The following MCU variants were observed in gnomAD, a reference collection of about 807,000 sequenced individuals.
MCU encodes calcium uniporter protein, mitochondrial.
A neutral mutation model predicts 45.2 loss-of-function variants in MCU; 12 were observed. The ratio of observed to expected loss-of-function variants is 0.27; its 90% CI spans 0.17 to 0.43. The LOEUF (loss-of-function observed/expected upper bound fraction) is 0.43. MCU is among the 20% of genes least tolerant of loss of function. The probability of loss-of-function intolerance (pLI) is 1.00; values close to 1 mark genes in which losing one functional copy is unlikely to be tolerated. For missense variants in MCU, 324 were observed against 436.7 expected, an observed-to-expected ratio of 0.74 and a Z score of 2.30; for synonymous variants, 160 against 165.1, an observed-to-expected ratio of 0.97 and a Z score of 0.24.
chr10:72,843,267 A>C (rs144022887), intron 2 of MCU, among the ~76,000 whole-genome samples: 103 of 152,242 alleles, frequency 6.8e-4, no homozygotes, highest in South Asian at 3.7e-3. Flanking sequence ...CACACAGAGG[A>C]GTTTCACCAC....
chr10:72,868,665 AG>A (rs770681583), intron 4 of MCU, 37 bp from the exon 5 acceptor site: 1 of 1,596,140 alleles, frequency 6.3e-7, no homozygotes, highest in Admixed American at 1.7e-5. Context: ...CAATCATTTA[AG>A]GCATACATTT....
At chr10:72,758,808 T>A (rs1377394219) in intron 1 of MCU, among the ~76,000 whole-genome samples, 2 of 152,216 alleles carry the variant, frequency 1.3e-5, no homozygotes, top group African/African-American at 2.4e-5. Flanking sequence ...TTGAGGCTTT[T>A]AAAAAATCTC....
At chr10:72,828,449 T>A (rs1357490254) in intron 1 of MCU, among the ~76,000 whole-genome samples, 1 of 152,142 alleles carries the variant, frequency 6.6e-6, no homozygotes, top group Non-Finnish European at 1.5e-5. Context: ...GAAATAACTT[T>A]CCCTCTCTTT....
chr10:72,824,660 A>T (rs1844769624), intron 1 of MCU, among the ~76,000 whole-genome samples: 1 of 152,216 alleles, frequency 6.6e-6, no homozygotes, highest in African/African-American at 2.4e-5. Flanking sequence ...CTACTTTGCT[A>T]AAGCTTTCTC....
chr10:72,764,736 T>C (rs534341971), intron 1 of MCU, among the ~76,000 whole-genome samples: 1 of 152,258 alleles, frequency 6.6e-6, no homozygotes, highest in Non-Finnish European at 1.5e-5. Flanking sequence ...CTACTCAGAG[T>C]AACTAAGAAA....
At chr10:72,720,349 GA>G (rs1422039677) in intron 1 of MCU, among the ~76,000 whole-genome samples, 1 of 152,178 alleles carries the variant, frequency 6.6e-6, no homozygotes, top group Admixed American at 6.5e-5. Context: ...GTAAGTGATG[GA>G]ATTAGGAATT....
chr10:72,841,867 G>T (rs189188756), intron 2 of MCU, among the ~76,000 whole-genome samples: 2 of 152,294 alleles, frequency 1.3e-5, no homozygotes, highest in African/African-American at 2.4e-5. Flanking sequence ...TCCTTTGCTT[G>T]ATTAAATTTG....
At chr10:72,750,975 GTT>G (rs1220493224) in intron 1 of MCU, among the ~76,000 whole-genome samples, 1 of 152,142 alleles carries the variant, frequency 6.6e-6, no homozygotes, top group East Asian at 1.9e-4. Flanking sequence ...TGTTTCAATA[GTT>G]TGATATTTTA....
intron 1 of MCU, among the ~76,000 whole-genome samples, chr10:72,758,206 C>G (rs777177359): frequency 4.6e-5 from 7 of 152,226 alleles, no homozygotes; most frequent in Non-Finnish European, 7.4e-5. Context: ...TCTCAACTCC[C>G]TCTTCACAGA....
At chr10:72,844,916 G>A (rs1222568264) in intron 2 of MCU, among the ~76,000 whole-genome samples, 5 of 152,054 alleles carry the variant, frequency 3.3e-5, no homozygotes, top group Admixed American at 6.6e-5. Context: ...TAAACTCAAT[G>A]CAATGCTAAT....
chr10:72,732,220 G>A (rs553019556), intron 1 of MCU, among the ~76,000 whole-genome samples: 38 of 152,326 alleles, frequency 2.5e-4, no homozygotes, highest in African/African-American at 8.7e-4. Context: ...TATCTTTGGA[G>A]AAATACCTAT....
chr10:72,871,272 T>A, intron 5 of MCU, 105 bp from the exon 6 acceptor site: 2 of 964,562 alleles, frequency 2.1e-6, no homozygotes, highest in Non-Finnish European at 1.6e-6. Flanking sequence ...AATTGAGACT[T>A]GTGTCTTGAT....
intron 6 of MCU, 91 bp from the exon 7 acceptor site, chr10:72,884,175 T>G (rs1464455674): frequency 1.3e-6 from 1 of 770,016 alleles, no homozygotes; most frequent in African/African-American, 1.7e-5. Flanking sequence ...CACACACGCA[T>G]ACATATGTAT....
At chr10:72,788,013 G>A (rs530477898) in intron 1 of MCU, among the ~76,000 whole-genome samples, 6 of 152,126 alleles carry the variant, frequency 3.9e-5, no homozygotes, top group South Asian at 4.2e-4. Flanking sequence ...CACTGCGCCC[G>A]GCCTAGAATT....
chr10:72,748,362 C>T (rs1174269786), intron 1 of MCU, among the ~76,000 whole-genome samples: 2 of 152,174 alleles, frequency 1.3e-5, no homozygotes, highest in South Asian at 2.1e-4. Flanking sequence ...TCTTAATTAT[C>T]GTTAGATTAG....
intron 1 of MCU, among the ~76,000 whole-genome samples, chr10:72,744,397 A>G (rs1320262583): frequency 6.6e-6 from 1 of 152,150 alleles, no homozygotes; most frequent in Non-Finnish European, 1.5e-5. Flanking sequence ...TGGGGAGGAG[A>G]AAGTGCTAGA....
At chr10:72,767,389 A>G (rs1432435430) in intron 1 of MCU, among the ~76,000 whole-genome samples, 1 of 152,202 alleles carries the variant, frequency 6.6e-6, no homozygotes, top group Admixed American at 6.5e-5. Flanking sequence ...CTTGTTGAAA[A>G]AGGACTCGGA....
chr10:72,743,106 C>T (rs929641247), intron 1 of MCU, among the ~76,000 whole-genome samples: 10 of 151,858 alleles, frequency 6.6e-5, no homozygotes, highest in Admixed American at 3.9e-4. Flanking sequence ...TTCACTGTCT[C>T]GAGAAAAGTG....
chr10:72,853,973 A>G (rs563009539), intron 2 of MCU, among the ~76,000 whole-genome samples: 3 of 152,240 alleles, frequency 2.0e-5, no homozygotes, highest in African/African-American at 7.2e-5. Flanking sequence ...ATCTCTACTA[A>G]AAATACAAAA....
Sources: allele counts gnomAD v4.1 joint callset (sites outside exome capture counted in the v4.1 genomes callset), GRCh38; gene constraint gnomAD v4.1.1; transcripts MANE v1.5; gene names NCBI Gene and HGNC (gene_info 2026-07-23, HGNC 2026-07-21).